MTUS2: variants seen among roughly 807,000 people sequenced by gnomAD.
The protein encoded by MTUS2 is microtubule-associated tumor suppressor candidate 2.
In MTUS2, 40 loss-of-function variants were observed where a neutral mutation model predicts 114.1. The observed-to-expected ratio is 0.35, with a 90% CI of 0.27 to 0.46. MTUS2 has a LOEUF of 0.46. MTUS2 is among the 20% of genes least tolerant of loss of function. The pLI, the probability that MTUS2 is intolerant of heterozygous loss-of-function variation, is 1.00. For synonymous variants in MTUS2, 688 were observed against 672.0 expected (o/e 1.02, Z -0.37); for missense variants, 1,679 against 1,705.4 (o/e 0.98, Z 0.27).
chr13:29,277,244 A>G (rs1898098997), intron 5 of MTUS2, among the ~76,000 whole-genome samples: 1 of 152,088 alleles, frequency 6.6e-6, no homozygotes, highest in Non-Finnish European at 1.5e-5. Context: ...TATCTCTATC[A>G]TGTAACGTGG....
chr13:29,287,484 G>A (rs1403683116), intron 6 of MTUS2, among the ~76,000 whole-genome samples: 1 of 124,880 alleles, frequency 8.0e-6, no homozygotes, highest in East Asian at 3.2e-4. Flanking sequence ...TTCCCTAAAA[G>A]CTGACATCAC....
intron 5 of MTUS2, among the ~76,000 whole-genome samples, chr13:29,166,920 AT>A (rs1352740834): frequency 6.6e-6 from 1 of 152,236 alleles, no homozygotes; most frequent in Non-Finnish European, 1.5e-5. Context: ...GCTCCTACTC[AT>A]TCAGTTTTTC....
At chr13:29,233,814 A>C (rs1469328770) in intron 5 of MTUS2, among the ~76,000 whole-genome samples, 1 of 152,216 alleles carries the variant, frequency 6.6e-6, no homozygotes, top group Non-Finnish European at 1.5e-5. Flanking sequence ...GGAAGAAAAA[A>C]ACCTGAGCCA....
chr13:29,307,740 C>A (rs1899542963), intron 6 of MTUS2: 2 of 1,113,504 alleles, frequency 1.8e-6, no homozygotes, highest in Non-Finnish European at 2.7e-6. Flanking sequence ...TTGGCTACAG[C>A]AACAGGGTGA....
At chr13:29,355,605 T>G (rs1406340447) in intron 7 of MTUS2, among the ~76,000 whole-genome samples, 2 of 152,260 alleles carry the variant, frequency 1.3e-5, no homozygotes, top group Non-Finnish European at 2.9e-5. Flanking sequence ...GCTGTATTTC[T>G]TATCATTTCC....
intron 8 of MTUS2, among the ~76,000 whole-genome samples, chr13:29,399,930 C>T (rs895612561): frequency 2.0e-5 from 3 of 152,100 alleles, no homozygotes; most frequent in Admixed American, 6.5e-5. Context: ...ACCTAACCAC[C>T]GTGTGGTGAA....
At chr13:29,076,580 T>G (rs1237383831) in intron 4 of MTUS2, among the ~76,000 whole-genome samples, 1 of 152,208 alleles carries the variant, frequency 6.6e-6, no homozygotes, top group East Asian at 1.9e-4. Context: ...GACGAGTTGA[T>G]GCTGGCTGTT....
At chr13:29,054,292 G>T (rs1888029957) in intron 4 of MTUS2, among the ~76,000 whole-genome samples, 1 of 151,608 alleles carries the variant, frequency 6.6e-6, no homozygotes, top group South Asian at 2.1e-4. Context: ...TAGCTGTAAG[G>T]GATATTTATA....
chr13:29,375,328 C>T (rs530218276), intron 8 of MTUS2, among the ~76,000 whole-genome samples: 3 of 149,230 alleles, frequency 2.0e-5, no homozygotes, highest in South Asian at 2.1e-4. Context: ...ATTACTTTTG[C>T]GGTTTTAATG....
intron 5 of MTUS2, among the ~76,000 whole-genome samples, chr13:29,111,043 G>C (rs1030253632): frequency 1.3e-5 from 2 of 152,184 alleles, no homozygotes; most frequent in Admixed American, 1.3e-4. Context: ...TAAATGAATT[G>C]ACCAATTTGG....
chr13:29,120,782 C>T (rs1891276517), intron 5 of MTUS2, among the ~76,000 whole-genome samples: 1 of 152,148 alleles, frequency 6.6e-6, no homozygotes, highest in Non-Finnish European at 1.5e-5. Context: ...TTATTGAATT[C>T]AGTTCATTCT....
intron 8 of MTUS2, among the ~76,000 whole-genome samples, chr13:29,396,160 A>G (rs904041840): frequency 5.9e-5 from 9 of 152,258 alleles, no homozygotes; most frequent in Non-Finnish European, 8.8e-5. Context: ...TTTTAAAAAG[A>G]ATTGTCACGT....
At chr13:28,892,490 C>T (rs182238789) in intron 2 of MTUS2, among the ~76,000 whole-genome samples, 214 of 152,268 alleles carry the variant, frequency 1.4e-3, no homozygotes, top group African/African-American at 4.4e-3. Context: ...ACACACCTAA[C>T]ATTTTATAGC....
At chr13:29,161,802 C>T (rs922376103) in intron 5 of MTUS2, among the ~76,000 whole-genome samples, 7 of 152,232 alleles carry the variant, frequency 4.6e-5, no homozygotes, top group African/African-American at 1.4e-4. Flanking sequence ...CTGGCAGCGT[C>T]CCTCTTGCTG....
intron 2 of MTUS2, among the ~76,000 whole-genome samples, chr13:28,849,336 G>A (rs1467180237): frequency 6.6e-6 from 1 of 152,212 alleles, no homozygotes; most frequent in East Asian, 1.9e-4. Context: ...CTAAGAGGGA[G>A]AAGATAGAAA....
At chr13:29,129,149 A>G (rs1419044153) in intron 5 of MTUS2, among the ~76,000 whole-genome samples, 3 of 149,054 alleles carry the variant, frequency 2.0e-5, no homozygotes, top group Admixed American at 6.7e-5. Context: ...GATTACTCAT[A>G]TATTCAGGTA....
At chr13:29,370,885 T>C (rs962635176) in intron 8 of MTUS2, among the ~76,000 whole-genome samples, 2 of 152,194 alleles carry the variant, frequency 1.3e-5, no homozygotes, top group Non-Finnish European at 2.9e-5. Context: ...ATAGCTCCAT[T>C]AATTTCAGAC....
At chr13:29,007,779 CATAAT>C (rs1885664209) in intron 2 of MTUS2, among the ~76,000 whole-genome samples, 2 of 152,044 alleles carry the variant, frequency 1.3e-5, no homozygotes, top group South Asian at 4.1e-4. Context: ...ATTGTAATAA[CATAAT>C]ATATAACGCA....
chr13:29,166,450 C>G (rs1306790331), intron 5 of MTUS2, among the ~76,000 whole-genome samples: 1 of 152,194 alleles, frequency 6.6e-6, no homozygotes, highest in Non-Finnish European at 1.5e-5. Context: ...ACAGAATGAG[C>G]CATGAGGCTT....
Sources: gnomAD v4.1 joint callset for allele counts (sites outside exome capture counted in the v4.1 genomes callset) on GRCh38, gnomAD v4.1.1 for gene constraint, MANE v1.5 for transcripts, NCBI Gene and HGNC (gene_info 2026-07-23, HGNC 2026-07-21) for gene names.